The following PARD3 variants were observed in gnomAD, a reference collection of about 807,000 sequenced individuals.
PARD3 encodes par-3 family cell polarity regulator.
Under a neutral mutation model 155.4 loss-of-function variants are expected in PARD3, and 75 were observed. The ratio of observed to expected loss-of-function variants is 0.48; its 90% confidence interval spans 0.40 to 0.58. The LOEUF (loss-of-function observed/expected upper bound fraction) is 0.58. Among genes scored for constraint, PARD3 ranks in the 20% least tolerant of loss-of-function variants. The probability of loss-of-function intolerance (pLI) is 0.00; values close to 1 mark genes in which losing one functional copy is unlikely to be tolerated. For missense variants in PARD3, 1,642 were observed against 1,721.7 expected (o/e 0.95, Z 0.82); for synonymous variants, 576 against 610.5 (o/e 0.94, Z 0.83).
chr10:34,562,013 A>G (rs1306698321), intron 2 of PARD3, among the ~76,000 whole-genome samples: 1 of 145,634 alleles, frequency 6.9e-6, no homozygotes, highest in Non-Finnish European at 1.5e-5. Context: ...AGGCGCCTGT[A>G]GTTCCAGCTA....
chr10:34,276,639 G>A (rs1212730481), intron 21 of PARD3, among the ~76,000 whole-genome samples: 1 of 152,204 alleles, frequency 6.6e-6, no homozygotes, highest in East Asian at 1.9e-4. Context: ...ATCCAGAAAA[G>A]GTACCAGGTA....
intron 2 of PARD3, among the ~76,000 whole-genome samples, chr10:34,565,260 C>CT (rs59606413): frequency 0.18 from 6,978 of 39,624 alleles, 2,903 homozygotes; most frequent in Non-Finnish European, 0.23. Flanking sequence ...AGGAGCAAGG[C>CT]TTTTTTTTTT....
At chr10:34,658,664 T>C (rs1476514485) in intron 2 of PARD3, among the ~76,000 whole-genome samples, 1 of 152,158 alleles carries the variant, frequency 6.6e-6, no homozygotes, top group Non-Finnish European at 1.5e-5. Context: ...TGACTATTGC[T>C]GGGCAATGCA....
chr10:34,131,370 CT>C, intron 23 of PARD3, 92 bp downstream of exon 23: 1 of 1,418,878 alleles, frequency 7.0e-7, no homozygotes, highest in Non-Finnish European at 9.8e-7. Context: ...TCCATCTTGT[CT>C]CGTTTCATAG....
At chr10:34,580,529 G>GTCAT (rs1477906646) in intron 2 of PARD3, among the ~76,000 whole-genome samples, 1 of 152,078 alleles carries the variant, frequency 6.6e-6, no homozygotes, top group African/African-American at 2.4e-5. Context: ...GCGAGATCCT[G>GTCAT]TCATTCATTC....
intron 1 of PARD3, among the ~76,000 whole-genome samples, chr10:34,735,066 A>G (rs2094889054): frequency 6.6e-6 from 1 of 152,134 alleles, no homozygotes; most frequent in Admixed American, 6.5e-5. Flanking sequence ...ACATGTGAGA[A>G]AACAGTAAAA....
At chr10:34,180,950 G>A (rs1042379895) in intron 22 of PARD3, among the ~76,000 whole-genome samples, 1 of 152,126 alleles carries the variant, frequency 6.6e-6, no homozygotes. Flanking sequence ...TGGAACAGGA[G>A]CAAAGCCCAA....
At position 34,578,391 on chromosome 10, in the gene PARD3, G is replaced by C. The variant is rs546860058; in HGVS notation, c.223-61232C>G. Among the ~76,000 whole-genome samples, 14 of 152,224 alleles carry C rather than the reference G, an allele frequency of 9.2e-5. No individual in the cohort carries two copies. In the East Asian group the frequency reaches 2.7e-3, roughly 29 times the overall value. ...TCTGATTTTCAAAATTCACAAAATT[G>C]CAACCTCAGGCATAAATGGGTTAGA... On this transcript the variant is annotated intron_variant, in intron 2 of 24. Transcript: ENST00000374788.
chr10:34,712,182 A>G (rs2094458292), intron 1 of PARD3, among the ~76,000 whole-genome samples: 1 of 152,222 alleles, frequency 6.6e-6, no homozygotes. Context: ...GTGGAAGGGT[A>G]CGAACAGTGG....
rs146765778 is a variant in PARD3 at position 34,758,511 on chromosome 10, T to C, written c.120+56365A>G. Among the ~76,000 whole-genome samples, 707 of 152,326 alleles carry C rather than the reference T, an allele frequency of 4.6e-3. 2 individuals carry two copies. Among genetic ancestry groups the C allele is most frequent in the Middle Eastern group, 0.01 (3 of 294 alleles). ...GATATTAGGAGAGGCAAGTGAATTG[T>C]CACTGGGAAGTCACTGTGTTGCCCA... is the stretch of plus-strand genomic sequence containing the variant. On this transcript the variant is annotated intron_variant, in intron 1 of 24. Coordinates refer to ENST00000374788, the MANE Select transcript of PARD3 (RefSeq NM_001184785.2).
At chr10:34,732,276 C>A (rs960524560) in intron 1 of PARD3, among the ~76,000 whole-genome samples, 1 of 152,106 alleles carries the variant, frequency 6.6e-6, no homozygotes, top group Non-Finnish European at 1.5e-5. Context: ...CAAGTACATG[C>A]AAAAGTAGTA....
At chr10:34,451,847 A>G (rs2077078344) in intron 4 of PARD3, among the ~76,000 whole-genome samples, 1 of 151,920 alleles carries the variant, frequency 6.6e-6, no homozygotes, top group Non-Finnish European at 1.5e-5. Flanking sequence ...CAAACTAGAA[A>G]CTAAGGTTCA....
chr10:34,663,061 G>A (rs1312682546), intron 2 of PARD3, among the ~76,000 whole-genome samples: 1 of 152,146 alleles, frequency 6.6e-6, no homozygotes, highest in Non-Finnish European at 1.5e-5. Context: ...GAGCAGGGGA[G>A]TGGAGTTAAT....
chr10:34,569,598 T>C (rs2086223345), intron 2 of PARD3, among the ~76,000 whole-genome samples: 1 of 151,982 alleles, frequency 6.6e-6, no homozygotes, highest in East Asian at 1.9e-4. Context: ...TTTGTATTTT[T>C]AGTAGAGACG....
At chr10:34,303,162 A>T (rs1411784094) in intron 20 of PARD3, among the ~76,000 whole-genome samples, 1 of 132,002 alleles carries the variant, frequency 7.6e-6, no homozygotes, top group Admixed American at 7.5e-5. Flanking sequence ...GCCCAGGTGA[A>T]TTTTTTTTTT....
chr10:34,541,394 A>T (rs2083602562), intron 2 of PARD3, among the ~76,000 whole-genome samples: 1 of 152,236 alleles, frequency 6.6e-6, no homozygotes, highest in Non-Finnish European at 1.5e-5. Flanking sequence ...CATCTGCCCC[A>T]AGATACAATC....
chr10:34,460,578 A>C (rs909445088), intron 4 of PARD3, among the ~76,000 whole-genome samples: 6 of 152,174 alleles, frequency 3.9e-5, no homozygotes, highest in African/African-American at 1.4e-4. Context: ...TCACACCTGT[A>C]ATCCCAGCAC....
chr10:34,138,051 T>C (rs1396457682), intron 22 of PARD3, among the ~76,000 whole-genome samples: 2 of 152,142 alleles, frequency 1.3e-5, no homozygotes, highest in Non-Finnish European at 2.9e-5. Context: ...TAGAAACACA[T>C]AGGCCCTGCC....
chr10:34,455,645 G>T (rs1396686324), intron 4 of PARD3, among the ~76,000 whole-genome samples: 6 of 152,002 alleles, frequency 3.9e-5, no homozygotes, highest in African/African-American at 1.2e-4. Flanking sequence ...CAAAACGCAG[G>T]CTTAATCACC....
Sources: allele counts gnomAD v4.1 joint callset (sites outside exome capture counted in the v4.1 genomes callset), GRCh38; gene constraint gnomAD v4.1.1; transcripts MANE v1.5; gene names NCBI Gene and HGNC (gene_info 2026-07-23, HGNC 2026-07-21).